Variants in GRM3 observed in about 807,000 individuals in gnomAD.
The protein encoded by GRM3 is metabotropic glutamate receptor 3.
GRM3 carries 26 observed loss-of-function variants against 70.5 expected under a neutral mutation model. That is an observed-to-expected ratio of 0.37 (90% CI 0.27 to 0.51). GRM3 has a LOEUF of 0.51. Among genes scored for constraint, GRM3 ranks in the 20% least tolerant of loss-of-function variants. The pLI, the probability that GRM3 is intolerant of heterozygous loss-of-function variation, is 0.93. For missense variants in GRM3, 859 were observed against 1,123.8 expected (o/e 0.76, Z 3.37); for synonymous variants, 443 against 434.9 (o/e 1.02, Z -0.23).
At chr7:86,821,336 C>G (rs1798115992) in intron 3 of GRM3, among the ~76,000 whole-genome samples, 1 of 152,118 alleles carries the variant, frequency 6.6e-6, no homozygotes, top group South Asian at 2.1e-4. Flanking sequence ...AACCAGCTGA[C>G]TAACAGCACA....
At chr7:86,751,954 T>A (rs1408958529) in intron 1 of GRM3, among the ~76,000 whole-genome samples, 1 of 152,128 alleles carries the variant, frequency 6.6e-6, no homozygotes, top group African/African-American at 2.4e-5. Context: ...TTTTAAAAAA[T>A]GCACAGCCAC....
chr7:86,793,176 A>G (rs1797464731), intron 3 of GRM3, among the ~76,000 whole-genome samples: 1 of 151,620 alleles, frequency 6.6e-6, no homozygotes, highest in Non-Finnish European at 1.5e-5. Flanking sequence ...CAGCCTTGCC[A>G]CCCTACTCAC....
chr7:86,825,249 G>C (rs1469831492), intron 3 of GRM3, among the ~76,000 whole-genome samples: 2 of 152,166 alleles, frequency 1.3e-5, no homozygotes, highest in African/African-American at 4.8e-5. Flanking sequence ...TACGTTAAAA[G>C]GGAGAAAAAG....
At chr7:86,666,781 C>G (rs1431902606) in intron 1 of GRM3, among the ~76,000 whole-genome samples, 1 of 151,972 alleles carries the variant, frequency 6.6e-6, no homozygotes, top group South Asian at 2.1e-4. Context: ...AATTAGGAAA[C>G]TAATTCGAGA....
At chr7:86,844,854 A>G (rs1798624988) in intron 4 of GRM3, among the ~76,000 whole-genome samples, 1 of 152,108 alleles carries the variant, frequency 6.6e-6, no homozygotes, top group South Asian at 2.1e-4. Context: ...AGCAATAGCC[A>G]GAGTATCAAC....
At chr7:86,814,513 G>A (rs1797977578) in intron 3 of GRM3, among the ~76,000 whole-genome samples, 1 of 151,800 alleles carries the variant, frequency 6.6e-6, no homozygotes, top group Non-Finnish European at 1.5e-5. Flanking sequence ...ACTACTAGAG[G>A]ATGTGGTAGA....
chr7:86,670,806 C>T (rs1023759021), intron 1 of GRM3, among the ~76,000 whole-genome samples: 5 of 152,116 alleles, frequency 3.3e-5, no homozygotes, highest in Non-Finnish European at 7.4e-5. Flanking sequence ...TTTACATTTT[C>T]ATGCTCATCT....
intron 3 of GRM3, among the ~76,000 whole-genome samples, chr7:86,811,202 T>C (rs1417403642): frequency 3.3e-5 from 5 of 151,944 alleles, no homozygotes; most frequent in Non-Finnish European, 7.4e-5. Context: ...TCATAAGCCA[T>C]CATTAGAGTA....
chr7:86,754,928 T>C (rs747389582), intron 1 of GRM3, among the ~76,000 whole-genome samples: 14 of 152,140 alleles, frequency 9.2e-5, no homozygotes, highest in Non-Finnish European at 2.1e-4. Flanking sequence ...GCAGCTCCCA[T>C]ACTTACAAGA....
chr7:86,729,481 T>C (rs111755473), intron 1 of GRM3, among the ~76,000 whole-genome samples: 1 of 152,260 alleles, frequency 6.6e-6, no homozygotes, highest in East Asian at 1.9e-4. Context: ...TTTATGCTTC[T>C]AATTCCAAAC....
At chr7:86,753,084 C>T (rs578047742) in intron 1 of GRM3, among the ~76,000 whole-genome samples, 1 of 152,050 alleles carries the variant, frequency 6.6e-6, no homozygotes, top group East Asian at 1.9e-4. Flanking sequence ...TTGCATCATC[C>T]GCACAGCCAG....
At chr7:86,694,507 G>A (rs1228993029) in intron 1 of GRM3, among the ~76,000 whole-genome samples, 29 of 72,008 alleles carry the variant, frequency 4.0e-4, no homozygotes, top group South Asian at 2.6e-3. Flanking sequence ...GCAAGACTCT[G>A]TCTCAAAAAA....
intron 2 of GRM3, chr7:86,784,207 G>T (rs1584240795): frequency 6.7e-6 from 1 of 149,486 alleles, no homozygotes; most frequent in African/African-American, 2.5e-5. Context: ...TGAAAAACAA[G>T]AACTTTTTTG....
chr7:86,821,671 C>T (rs76152497), intron 3 of GRM3, among the ~76,000 whole-genome samples: 7,891 of 152,158 alleles, frequency 0.052, 303 homozygotes, highest in Middle Eastern at 0.11. Context: ...ACAGGGGACC[C>T]AGAGCAAATA....
At chr7:86,851,689 A>G (rs925354891) in intron 5 of GRM3, among the ~76,000 whole-genome samples, 52 of 152,134 alleles carry the variant, frequency 3.4e-4, no homozygotes, top group Middle Eastern at 3.2e-3. Context: ...CTGAAGGAAG[A>G]CTGACAGTCT....
chr7:86,772,160 A>G (rs1224311978), intron 2 of GRM3, among the ~76,000 whole-genome samples: 1 of 152,090 alleles, frequency 6.6e-6, no homozygotes, highest in Non-Finnish European at 1.5e-5. Context: ...GATACCTAGA[A>G]TAGTGTCTCA....
At chr7:86,845,400 G>A (rs886709213) in intron 4 of GRM3, among the ~76,000 whole-genome samples, 4 of 152,076 alleles carry the variant, frequency 2.6e-5, no homozygotes, top group African/African-American at 9.7e-5. Flanking sequence ...TTGCATTATT[G>A]TCTTGATTAA....
chr7:86,821,684 C>T lies in GRM3; in HGVS notation c.1325-17155C>T, dbSNP rs886222003. Reference sequence around the variant, plus strand: ...AGACAGGGGACCCAGAGCAAATAAACGATTCCTCGAAGGTGAATCATATTC... The same window carrying T: ...AGACAGGGGACCCAGAGCAAATAAATGATTCCTCGAAGGTGAATCATATTC... On this transcript the variant is annotated intron_variant, in intron 3 of 5. Coordinates refer to ENST00000361669, the MANE Select transcript of GRM3 (RefSeq NM_000840.3). Among the ~76,000 whole-genome samples, 17 of 152,166 alleles carry T rather than the reference C, an allele frequency of 1.1e-4. No homozygotes were observed. In the South Asian group the frequency reaches 3.5e-3, roughly 32 times the overall value.
At chr7:86,705,311 GAATGGC>G (rs2116127258) in intron 1 of GRM3, among the ~76,000 whole-genome samples, 1 of 151,878 alleles carries the variant, frequency 6.6e-6, no homozygotes, top group African/African-American at 2.4e-5. Flanking sequence ...GAAACACAAA[GAATGGC>G]TTTCATTACA....
Sources: gnomAD v4.1 joint callset for allele counts (sites outside exome capture counted in the v4.1 genomes callset) on GRCh38, gnomAD v4.1.1 for gene constraint, MANE v1.5 for transcripts, NCBI Gene and HGNC (gene_info 2026-07-23, HGNC 2026-07-21) for gene names.